VTCN1: variants seen among roughly 807,000 people sequenced by gnomAD.
VTCN1 encodes V-set domain-containing T-cell activation inhibitor 1.
VTCN1 carries 26 observed loss-of-function variants against 26.5 expected under a neutral mutation model. That is an observed-to-expected ratio of 0.98 (90% CI 0.72 to 1.36). VTCN1 has a LOEUF of 1.36. Among genes scored for constraint, VTCN1 ranks in the 40% most tolerant of loss-of-function variants. VTCN1 has a pLI of 0.00. For synonymous variants in VTCN1, 116 were observed against 130.7 expected (o/e 0.89, Z 0.77); for missense variants, 298 against 337.7 (o/e 0.88, Z 0.92).
rs771022740 is a variant in VTCN1, at chr1:117,147,533, T to G, written c.*45+80A>C. On this transcript the variant is annotated intron_variant, in intron 5 of 5. Transcript: ENST00000369458. The surrounding 1 kb of genome is among the most constrained non-coding windows in gnomAD (Gnocchi z 4.6). ...ATTAAATGTTTCTTTCTGTGGCTGA[T>G]GCTGAAGGCTATCCGACTCTCATTA... The G allele has an allele frequency of 2.0e-5, 24 of 1,191,584 alleles. No homozygotes were observed. The highest frequency in any genetic ancestry group is 2.7e-5 in the Non-Finnish European group (23 of 863,514). 73.8% of individuals were successfully genotyped at this position (1,191,584 alleles called of 1,614,324 possible). A position where few individuals can be genotyped will look rare whatever the true frequency, so the allele number is the denominator to read the frequency against.
chr1:117,149,964 G>C (rs1651707542), intron 4 of VTCN1, among the ~76,000 whole-genome samples: 1 of 152,184 alleles, frequency 6.6e-6, no homozygotes, highest in Non-Finnish European at 1.5e-5. Flanking sequence ...ATGTAAAGAA[G>C]ACAGATCTGT....
At chr1:117,166,424 G>A (rs1241649432) in intron 2 of VTCN1, among the ~76,000 whole-genome samples, 2 of 152,118 alleles carry the variant, frequency 1.3e-5, no homozygotes, top group African/African-American at 4.8e-5. Flanking sequence ...TGAAGGTGAT[G>A]TATAAGATCA....
intron 1 of VTCN1, among the ~76,000 whole-genome samples, chr1:117,185,007 T>C (rs1385726908): frequency 6.6e-6 from 1 of 152,132 alleles, no homozygotes; most frequent in Non-Finnish European, 1.5e-5. Context: ...AAGGAACAAA[T>C]GCTGGTACCT....
intron 1 of VTCN1, among the ~76,000 whole-genome samples, chr1:117,188,627 C>G (rs753381768): frequency 1.3e-5 from 2 of 152,156 alleles, no homozygotes; most frequent in African/African-American, 4.8e-5. Context: ...AGACATCATG[C>G]CTGACTCATC....
intron 1 of VTCN1, among the ~76,000 whole-genome samples, chr1:117,179,856 C>G (rs1401117605): frequency 6.6e-6 from 1 of 152,112 alleles, no homozygotes; most frequent in Non-Finnish European, 1.5e-5. Context: ...ATACTATTAT[C>G]TTTGTTTTAT....
intron 1 of VTCN1, among the ~76,000 whole-genome samples, chr1:117,204,969 T>C (rs756645318): frequency 7.9e-5 from 12 of 151,872 alleles, no homozygotes; most frequent in Non-Finnish European, 1.6e-4. Context: ...AAATGAGGTG[T>C]ACTGACTTTC....
rs1557869283 is a variant in VTCN1, at chr1:117,175,352, GATATA to G, written c.33-5186_33-5182del. Reference sequence around the variant, plus strand: ...CTTCAGGGGATATAAAAAATGCACAGATATAATAAAATAAACACTCCCGCTGCTGG... The same window carrying G: ...CTTCAGGGGATATAAAAAATGCACAGATAAAATAAACACTCCCGCTGCTGG... On this transcript the variant is annotated intron_variant, in intron 1 of 5. Coordinates refer to ENST00000369458, the MANE Select transcript of VTCN1 (RefSeq NM_024626.4). This position sits in a 1 kb window ranked among gnomAD's most constrained non-coding sequence, Gnocchi z 4.2. 6.6e-6 allele frequency among the ~76,000 whole-genome samples: 1 copy of G among 152,178 alleles called. No homozygotes were observed. Among genetic ancestry groups the G allele is most frequent in the African/African-American group, 2.4e-5 (1 of 41,444 alleles).
intron 1 of VTCN1, among the ~76,000 whole-genome samples, chr1:117,201,478 C>G (rs1315799380): frequency 1.3e-5 from 2 of 152,182 alleles, no homozygotes; most frequent in Non-Finnish European, 2.9e-5. Context: ...ATCCTGATCT[C>G]CCCCTTTCCC....
chr1:117,188,709 G>A (rs1268042026), intron 1 of VTCN1, among the ~76,000 whole-genome samples: 1 of 152,136 alleles, frequency 6.6e-6, no homozygotes, highest in Non-Finnish European at 1.5e-5. Flanking sequence ...ACCAAAATAT[G>A]TCCATGACAC....
intron 1 of VTCN1, chr1:117,173,198 C>A (rs984012638): frequency 1.4e-6 from 1 of 715,942 alleles, no homozygotes; most frequent in African/African-American, 1.7e-5. Flanking sequence ...GCGAGGTCAG[C>A]GGCTTCATTC....
intron 1 of VTCN1, among the ~76,000 whole-genome samples, chr1:117,179,265 C>A (rs10801935): frequency 0.57 from 85,920 of 152,044 alleles, 25,663 homozygotes; most frequent in East Asian, 0.81. Flanking sequence ...CTTGCTGTGT[C>A]GACCAAAAAT....
intron 3 of VTCN1, among the ~76,000 whole-genome samples, chr1:117,154,783 C>CAAAAAAAAAAAAAAAAAAAAAAAAAAAA (rs916361996): frequency 2.5e-5 from 1 of 39,894 alleles, no homozygotes; most frequent in African/African-American, 8.3e-5. Flanking sequence ...AACTCCATCT[C>CAAAAAAAAAAAAAAAAAAAAAAAAAAAA]AAAAAAAAAA....
At position 117,145,687 on chromosome 1, in the gene VTCN1, C is replaced by T. The variant is rs1651469411; in HGVS notation, c.*46-462G>A. 6.6e-6 allele frequency among the ~76,000 whole-genome samples: 1 copy of T among 152,156 alleles called. No homozygotes were observed. The highest frequency in any genetic ancestry group is 1.5e-5 in the Non-Finnish European group (1 of 68,032). ...TCACTCTGTTGCCCAGGCTGGAGTG[C>T]AGTGGTGCAAACATTGGCTCACTGC... On this transcript the variant is annotated intron_variant, in intron 5 of 5. Transcript: ENST00000369458. This position sits in a 1 kb window ranked among gnomAD's most constrained non-coding sequence, Gnocchi z 4.6.
At chr1:117,207,806 C>A (rs1649132405) in intron 1 of VTCN1, among the ~76,000 whole-genome samples, 1 of 152,182 alleles carries the variant, frequency 6.6e-6, no homozygotes. Context: ...AGCATCCTAC[C>A]TGCCCCTCCA....
chr1:117,165,661 C>T (rs1375480942), intron 2 of VTCN1, among the ~76,000 whole-genome samples: 2 of 152,166 alleles, frequency 1.3e-5, no homozygotes, highest in African/African-American at 4.8e-5. Flanking sequence ...GAGGCTTCAC[C>T]AGAAGCCAGG....
chr1:117,198,582 T>C (rs139981669), intron 1 of VTCN1, among the ~76,000 whole-genome samples: 35 of 152,304 alleles, frequency 2.3e-4, no homozygotes, highest in African/African-American at 7.9e-4. Flanking sequence ...ACATTCTCTG[T>C]AGAGGCATAA....
At chr1:117,166,774 C>G (rs1370424088) in intron 2 of VTCN1, among the ~76,000 whole-genome samples, 1 of 151,332 alleles carries the variant, frequency 6.6e-6, no homozygotes, top group African/African-American at 2.4e-5. Context: ...GTTTATCAGT[C>G]TATATTTTAT....
chr1:117,179,555 C>T (rs991346698), intron 1 of VTCN1, among the ~76,000 whole-genome samples: 1 of 152,138 alleles, frequency 6.6e-6, no homozygotes, highest in Admixed American at 6.5e-5. Flanking sequence ...CAACAGAGCT[C>T]GCGGAGACTG....
chr1:117,163,891 T>A (rs1437805072), intron 2 of VTCN1, among the ~76,000 whole-genome samples: 6 of 152,148 alleles, frequency 3.9e-5, no homozygotes, highest in Admixed American at 1.3e-4. Context: ...TTTGGACAGA[T>A]CAAATATTTT....
Sources: gnomAD v4.1 joint callset for allele counts (sites outside exome capture counted in the v4.1 genomes callset) on GRCh38, gnomAD v4.1.1 for gene constraint, Gnocchi (gnomAD v3.1) non-coding constraint, MANE v1.5 for transcripts, NCBI Gene and HGNC (gene_info 2026-07-23, HGNC 2026-07-21) for gene names.